Variants in ROBO2 observed in about 807,000 individuals in gnomAD.
ROBO2 encodes roundabout guidance receptor 2.
In ROBO2, 53 loss-of-function variants were observed where a neutral mutation model predicts 160.8. That is an observed-to-expected ratio of 0.33 (90% confidence interval 0.26 to 0.41). The LOEUF is 0.41. ROBO2 is among the 10% of genes least tolerant of loss of function. The pLI is 1.00. For missense variants in ROBO2, 1,577 were observed against 1,722.4 expected (o/e 0.92, Z 1.49); for synonymous variants, 664 against 611.7 (o/e 1.09, Z -1.26).
intron 2 of ROBO2, among the ~76,000 whole-genome samples, chr3:76,797,109 T>C (rs1194022140): frequency 3.3e-5 from 5 of 152,122 alleles, no homozygotes; most frequent in Non-Finnish European, 7.4e-5. Context: ...CTAACAGATA[T>C]GTACGGAACA....
chr3:77,397,508 T>C (rs2075391195), intron 2 of ROBO2, among the ~76,000 whole-genome samples: 1 of 152,166 alleles, frequency 6.6e-6, no homozygotes, highest in Non-Finnish European at 1.5e-5. Flanking sequence ...AGGTTGGAGA[T>C]GAAGCCTTGT....
rs188054244 is a variant in ROBO2, at chr3:76,013,087, A to G, written c.109+75485A>G. 2.0e-4 allele frequency among the ~76,000 whole-genome samples: 30 copies of G among 146,820 alleles called. 1 individual carries two copies. Among genetic ancestry groups the G allele is most frequent in the African/African-American group, 7.4e-4 (29 of 39,110 alleles). Reference sequence around the variant, plus strand: ...CCCAGAAGCAATATGCATAAAGGCAATTGGAGGCTGGGCACGGTGGCTTAT... The same window carrying G: ...CCCAGAAGCAATATGCATAAAGGCAGTTGGAGGCTGGGCACGGTGGCTTAT... On this transcript the variant is annotated intron_variant, in intron 2 of 26. Coordinates refer to the ROBO2 transcript ENST00000487694.
chr3:76,226,003 GT>G (rs1704261211), intron 2 of ROBO2, among the ~76,000 whole-genome samples: 1 of 152,030 alleles, frequency 6.6e-6, no homozygotes, highest in Admixed American at 6.6e-5. Context: ...GAGATAAAGG[GT>G]GTTTGTCCAA....
intron 2 of ROBO2, among the ~76,000 whole-genome samples, chr3:76,204,887 C>A (rs979501952): frequency 6.6e-6 from 1 of 151,926 alleles, no homozygotes; most frequent in Non-Finnish European, 1.5e-5. Context: ...TTTCTGTGGG[C>A]CTTTTTGTAA....
At chr3:76,988,042 T>G (rs2060479120) in intron 2 of ROBO2, among the ~76,000 whole-genome samples, 2 of 152,196 alleles carry the variant, frequency 1.3e-5, no homozygotes, top group South Asian at 4.1e-4. Flanking sequence ...CTAACTTTAT[T>G]TGGTAATTAA....
chr3:76,832,654 C>T (rs1211258628), intron 2 of ROBO2, among the ~76,000 whole-genome samples: 1 of 152,054 alleles, frequency 6.6e-6, no homozygotes, highest in Non-Finnish European at 1.5e-5. Flanking sequence ...AAAGAAAATA[C>T]ATTCAAGGTC....
chr3:77,486,882 G>A (rs550298304), intron 4 of ROBO2, among the ~76,000 whole-genome samples: 13 of 151,728 alleles, frequency 8.6e-5, no homozygotes, highest in Admixed American at 3.9e-4. Flanking sequence ...TTGTCTTTTC[G>A]CTGGAAGCTT....
chr3:77,406,343 C>G (rs983203219), intron 2 of ROBO2, among the ~76,000 whole-genome samples: 6 of 152,212 alleles, frequency 3.9e-5, no homozygotes, highest in African/African-American at 1.4e-4. Flanking sequence ...CAGAGTCAAA[C>G]CATATCATAG....
At chr3:76,608,900 G>A (rs973035446) in intron 2 of ROBO2, among the ~76,000 whole-genome samples, 7 of 152,178 alleles carry the variant, frequency 4.6e-5, no homozygotes, top group Non-Finnish European at 1.0e-4. Context: ...TATTCAATAT[G>A]TAGTCTTTTT....
rs969026661 is a variant in ROBO2, at chr3:77,222,503, A to G, written c.388+124163A>G. Among the ~76,000 whole-genome samples, 3 of 152,296 alleles carry G rather than the reference A, an allele frequency of 2.0e-5. No individual in the cohort carries two copies. In the East Asian group the frequency reaches 5.8e-4, roughly 29 times the overall value. The stretch of plus-strand genomic sequence containing the variant: ...TTTAAATGGAAACTTATTTTTAAAT[A>G]TAGAGGAATGTAAGAACTTGCAAGT... On this transcript the variant is annotated intron_variant, in intron 2 of 25. Coordinates refer to ENST00000461745, the Ensembl canonical transcript of ROBO2.
At chr3:76,866,849 A>G (rs1181909769) in intron 2 of ROBO2, among the ~76,000 whole-genome samples, 1 of 152,132 alleles carries the variant, frequency 6.6e-6, no homozygotes, top group Non-Finnish European at 1.5e-5. Context: ...CTGTAAGTAG[A>G]CACACCTGCA....
At chr3:76,652,400 G>A (rs1460307861) in intron 2 of ROBO2, among the ~76,000 whole-genome samples, 1 of 152,074 alleles carries the variant, frequency 6.6e-6, no homozygotes. Flanking sequence ...TTAAAATGTT[G>A]CACAACTTAC....
intron 2 of ROBO2, among the ~76,000 whole-genome samples, chr3:76,803,479 G>T (rs1177922671): frequency 6.7e-6 from 1 of 149,230 alleles, no homozygotes; most frequent in Non-Finnish European, 1.5e-5. Context: ...AAGGAAGGGA[G>T]GGAGGGAGGG....
intron 23 of ROBO2, among the ~76,000 whole-genome samples, chr3:77,624,070 C>G (rs2094955559): frequency 6.6e-6 from 1 of 152,114 alleles, no homozygotes. Flanking sequence ...GAAAAAAAGT[C>G]TGGTTTTCTC....
chr3:77,220,695 T>C (rs2085666327), intron 2 of ROBO2, among the ~76,000 whole-genome samples: 1 of 152,152 alleles, frequency 6.6e-6, no homozygotes, highest in African/African-American at 2.4e-5. Context: ...TCATGTAAGT[T>C]ATAAATAAAC....
At chr3:77,412,523 A>T (rs1351962102) in intron 2 of ROBO2, among the ~76,000 whole-genome samples, 2 of 152,202 alleles carry the variant, frequency 1.3e-5, no homozygotes, top group Admixed American at 6.5e-5. Context: ...GCTGTCTGTC[A>T]TGAATTCGCT....
intron 2 of ROBO2, among the ~76,000 whole-genome samples, chr3:76,940,023 C>A (rs1258010442): frequency 1.5e-5 from 2 of 136,460 alleles, no homozygotes; most frequent in African/African-American, 5.7e-5. Flanking sequence ...GCTGTGTCAC[C>A]CAGGCTGGGG....
intron 1 of ROBO2, among the ~76,000 whole-genome samples, chr3:77,089,762 T>A (rs750715896): frequency 3.3e-5 from 5 of 152,166 alleles, no homozygotes; most frequent in Non-Finnish European, 7.4e-5. Flanking sequence ...ACCACATCAC[T>A]GGACCTCTAG....
At chr3:77,498,304 A>G (rs2087071261) in intron 5 of ROBO2, among the ~76,000 whole-genome samples, 1 of 152,226 alleles carries the variant, frequency 6.6e-6, no homozygotes, top group Admixed American at 6.5e-5. Context: ...AGAAAAAGGA[A>G]ATAAAATATG....
Sources: allele counts gnomAD v4.1 joint callset (sites outside exome capture counted in the v4.1 genomes callset), GRCh38; gene constraint gnomAD v4.1.1; transcripts MANE v1.5; gene names NCBI Gene and HGNC (gene_info 2026-07-23, HGNC 2026-07-21).